SUZ12: variants seen among roughly 807,000 people sequenced by gnomAD.
SUZ12 encodes polycomb protein SUZ12.
In SUZ12, 17 loss-of-function variants were observed where a neutral mutation model predicts 87.3. The ratio of observed to expected loss-of-function variants is 0.19; its 90% CI spans 0.13 to 0.29. SUZ12 has a LOEUF of 0.29. Among genes scored for constraint, SUZ12 ranks in the 10% least tolerant of loss-of-function variants. The pLI is 1.00. For missense variants in SUZ12, 526 were observed against 912.2 expected, an observed-to-expected ratio of 0.58 and a Z score of 5.45; for synonymous variants, 253 against 312.4, an observed-to-expected ratio of 0.81 and a Z score of 2.01.
chr17:31,995,691 C>T lies in SUZ12; in HGVS notation c.1723C>T (p.Arg575Cys), dbSNP rs761306912. Reference sequence around the variant, plus strand: ...CCATAGTGATACCTGCTTACCTCTCCGTCCACAAGAAATGGAAGTAGATAG... The same window carrying T: ...CCATAGTGATACCTGCTTACCTCTCTGTCCACAAGAAATGGAAGTAGATAG... ...YFHSDTCLPLRPQEMEVDSED... is the reference protein window; with the variant it reads ...YFHSDTCLPLCPQEMEVDSED... The change falls in exon 14 of 16, where the codon CGT becomes TGT. Residue 575 changes from arginine (R) to cysteine (C), a missense_variant. Physicochemically the swap from Arg to Cys is radical, Grantham distance 180. Coordinates refer to ENST00000322652, the MANE Select transcript of SUZ12 (RefSeq NM_015355.4). 1.9e-6 allele frequency: 3 copies of T among 1,613,966 alleles called. No homozygotes were observed. The highest frequency in any genetic ancestry group is 2.5e-6 in the Non-Finnish European group (3 of 1,179,944).
At chr17:31,956,214 G>A (rs8077033) in intron 4 of SUZ12, among the ~76,000 whole-genome samples, 4,605 of 151,760 alleles carry the variant, frequency 0.03, 242 homozygotes, top group African/African-American at 0.11. Flanking sequence ...CGCCCAGCCA[G>A]TATTACTATT....
intron 3 of SUZ12, among the ~76,000 whole-genome samples, chr17:31,942,626 A>G (rs1164428965): frequency 6.6e-6 from 1 of 151,640 alleles, no homozygotes; most frequent in East Asian, 1.9e-4. Flanking sequence ...CCTGAGCCAC[A>G]GCGCCCGGCC....
rs10681815 is a variant in SUZ12, at chr17:31,983,274, C to CTTTTTTT, written c.1023+183_1023+189dup. ...AGAGCATTTAACGGAAGGTATCATT[C>CTTTTTTT]TTTTTTTTTTTTTTTTTTTGAGGGG... On this transcript the variant is annotated intron_variant, in intron 9 of 15. Transcript: ENST00000322652. 4.5e-3 allele frequency among the ~76,000 whole-genome samples: 531 copies of CTTTTTTT among 118,152 alleles called. 11 individuals are homozygous for CTTTTTTT. The highest frequency in any genetic ancestry group is 0.017 in the African/African-American group (499 of 30,084). The allele number at this position is 118,152 out of a possible 152,430, so 77.5% of individuals were successfully genotyped here.
intron 1 of SUZ12, among the ~76,000 whole-genome samples, chr17:31,938,279 G>A (rs995902210): frequency 1.3e-5 from 2 of 152,314 alleles, no homozygotes; most frequent in Admixed American, 1.3e-4. Context: ...GAATAATCCT[G>A]ATTGTTCTTT....
chr17:31,986,562 T>TTGTTTTGTTC (rs979387590), intron 9 of SUZ12, among the ~76,000 whole-genome samples: 3 of 152,154 alleles, frequency 2.0e-5, no homozygotes, highest in African/African-American at 7.2e-5. Flanking sequence ...TTGTTTTGTT[T>TTGTTTTGTTC]TGTTTTTTGA....
chr17:31,950,545 G>A (rs1411960389), intron 4 of SUZ12, among the ~76,000 whole-genome samples: 1 of 151,978 alleles, frequency 6.6e-6, no homozygotes, highest in Non-Finnish European at 1.5e-5. Context: ...TCAGCCAGGC[G>A]AGGTGGTGTA....
At chr17:31,962,846 C>A (rs1404467757) in intron 4 of SUZ12, among the ~76,000 whole-genome samples, 6 of 152,218 alleles carry the variant, frequency 3.9e-5, no homozygotes, top group Admixed American at 3.9e-4. Flanking sequence ...AAAGTAGATT[C>A]TTATGAAAGT....
chr17:31,994,128 A>C (rs2142215287), intron 12 of SUZ12, 120 bp downstream of exon 12: 2 of 896,528 alleles, frequency 2.2e-6, no homozygotes, highest in East Asian at 5.5e-5. Flanking sequence ...ATATGCATTA[A>C]GTACAAGATA....
intron 4 of SUZ12, among the ~76,000 whole-genome samples, chr17:31,953,549 A>T (rs1907111160): frequency 6.6e-6 from 1 of 152,048 alleles, no homozygotes; most frequent in Non-Finnish European, 1.5e-5. Context: ...CTGGGACTAC[A>T]GGCATGTACT....
At position 31,943,418 on chromosome 17, in the gene SUZ12, TACA is replaced by T. The variant is rs1366005345; in HGVS notation, c.386+2937_386+2939del. Among the ~76,000 whole-genome samples the T allele has an allele frequency of 3.9e-5, 6 of 152,350 alleles. No individual in the cohort carries two copies. In the South Asian group the frequency reaches 1.0e-3, roughly 26 times the overall value. ...TCTGTAAATTTTTTGTTGATTAAAA[TACA>T]ACAATATAAGATAGAACATTTTGTA... On this transcript the variant is annotated intron_variant, in intron 3 of 15. Transcript: ENST00000322652.
chr17:31,966,960 A>G (rs1393480800), intron 5 of SUZ12: 1 of 152,018 alleles, frequency 6.6e-6, no homozygotes, highest in East Asian at 1.9e-4. Flanking sequence ...AGGCGGGTGT[A>G]TCATGAGGTC....
At chr17:31,981,374 T>C (rs1203099209) in intron 8 of SUZ12, among the ~76,000 whole-genome samples, 1 of 152,176 alleles carries the variant, frequency 6.6e-6, no homozygotes, top group African/African-American at 2.4e-5. Context: ...AAAAGTACAC[T>C]GAGATGCGTT....
intron 8 of SUZ12, among the ~76,000 whole-genome samples, chr17:31,979,349 C>T (rs1427220682): frequency 7.2e-5 from 11 of 152,104 alleles, no homozygotes; most frequent in Non-Finnish European, 1.2e-4. Context: ...ATATAACCAC[C>T]GTACCCTTAT....
chr17:31,983,144 A>G, intron 9 of SUZ12, 40 bp downstream of exon 9: 2 of 1,576,378 alleles, frequency 1.3e-6, no homozygotes, highest in Non-Finnish European at 1.7e-6. Flanking sequence ...TATAGTTATG[A>G]ACTCCCATTT....
At chr17:31,953,822 T>C (rs1907132216) in intron 4 of SUZ12, among the ~76,000 whole-genome samples, 1 of 151,334 alleles carries the variant, frequency 6.6e-6, no homozygotes. Context: ...CAAGCAGTTC[T>C]CCTGCCTTGG....
chr17:31,939,257 C>G (rs1366137773), intron 1 of SUZ12, among the ~76,000 whole-genome samples: 1 of 151,838 alleles, frequency 6.6e-6, no homozygotes, highest in Non-Finnish European at 1.5e-5. Flanking sequence ...AGTTTGTGTC[C>G]GAGATTCATT....
At chr17:31,962,205 G>A (rs1421497648) in intron 4 of SUZ12, among the ~76,000 whole-genome samples, 1 of 152,180 alleles carries the variant, frequency 6.6e-6, no homozygotes, top group Non-Finnish European at 1.5e-5. Flanking sequence ...GGAGGCTGAG[G>A]TGGGATGATC....
intron 8 of SUZ12, among the ~76,000 whole-genome samples, chr17:31,981,576 T>C (rs1048104515): frequency 6.6e-6 from 1 of 152,238 alleles, no homozygotes; most frequent in African/African-American, 2.4e-5. Context: ...TTTAGAAATA[T>C]ATGAATTTAT....
rs770623841 is a variant in SUZ12, at chr17:31,994,695, A to C, written c.1569A>C (p.Thr523=). The stretch of plus-strand genomic sequence containing the variant: ...GTCGCAACGGACCAGTTAAGAGAAC[A>C]CCTATCACACATATTCTTGTGTGCA... The part of the protein sequence containing the change: ...AFSRNGPVKR[T]PITHILVCRP... The change falls in exon 13 of 16, where the codon ACA becomes ACC. Residue 523 remains threonine, a synonymous_variant. Transcript: ENST00000322652. The C allele has an allele frequency of 6.2e-7, 1 of 1,613,984 alleles. No individual in the cohort carries two copies. The highest frequency in any genetic ancestry group is 8.5e-7 in the Non-Finnish European group (1 of 1,179,974).
Sources: gnomAD v4.1 joint callset for allele counts (sites outside exome capture counted in the v4.1 genomes callset) on GRCh38, gnomAD v4.1.1 for gene constraint, MANE v1.5 for transcripts, NCBI Gene and HGNC (gene_info 2026-07-23, HGNC 2026-07-21) for gene names.